Variants in SGCD observed in about 807,000 individuals in gnomAD.
SGCD encodes the protein delta-sarcoglycan.
Under a neutral mutation model 36.6 loss-of-function variants are expected in SGCD, and 18 were observed. That is an observed-to-expected ratio of 0.49 (90% CI 0.34 to 0.73). The LOEUF is 0.73. SGCD is among the 30% of genes least tolerant of loss of function. The pLI, the probability that SGCD is intolerant of heterozygous loss-of-function variation, is 0.01. For missense variants in SGCD, 387 were observed against 346.7 expected (o/e 1.12, Z -0.92); for synonymous variants, 133 against 130.6 (o/e 1.02, Z -0.12).
chr5:156,527,842 G>T (rs1456128095), intron 4 of SGCD, among the ~76,000 whole-genome samples: 1 of 152,058 alleles, frequency 6.6e-6, no homozygotes, highest in African/African-American at 2.4e-5. Context: ...GCCCTTGCTG[G>T]GATTCCACAG....
At chr5:156,563,623 TC>T (rs1485989224) in intron 4 of SGCD, among the ~76,000 whole-genome samples, 2 of 152,250 alleles carry the variant, frequency 1.3e-5, no homozygotes, top group Non-Finnish European at 2.9e-5. Context: ...ATACTTAGTC[TC>T]TTTCCTACCT....
chr5:155,876,526 T>C (rs951819951), intron 1 of SGCD, among the ~76,000 whole-genome samples: 2 of 152,074 alleles, frequency 1.3e-5, no homozygotes, highest in Non-Finnish European at 2.9e-5. Context: ...TGGAATTTAA[T>C]GTGAAAAATA....
chr5:156,406,034 AGG>A (rs1554100483), intron 3 of SGCD, among the ~76,000 whole-genome samples: 178 of 150,668 alleles, frequency 1.2e-3, no homozygotes, highest in South Asian at 2.1e-3. Context: ...AAAAAAAAAA[AGG>A]CCTCTGGGCA....
At chr5:155,832,172 AAG>A in the SGCD span, among the ~76,000 whole-genome samples, 1 of 152,200 alleles carries the variant, frequency 6.6e-6, no homozygotes, top group Non-Finnish European at 1.5e-5. Context: ...CCGCAAATGA[AAG>A]AGAGATTAGT....
At chr5:155,797,695 A>G in the SGCD span, among the ~76,000 whole-genome samples, 87 of 152,334 alleles carry the variant, frequency 5.7e-4, no homozygotes, top group East Asian at 0.016. Context: ...AAAATCCCCA[A>G]GCTCTCAGAG....
At chr5:156,749,707 A>G (rs945651484) in intron 7 of SGCD, among the ~76,000 whole-genome samples, 2 of 151,376 alleles carry the variant, frequency 1.3e-5, no homozygotes, top group Non-Finnish European at 2.9e-5. Context: ...TATGAAATGG[A>G]AAAAAAAAGC....
chr5:155,840,414 T>TTTTC, the SGCD span, among the ~76,000 whole-genome samples: 1 of 150,078 alleles, frequency 6.7e-6, no homozygotes, highest in Non-Finnish European at 1.5e-5. Context: ...CAGCTAAATT[T>TTTTC]TTTTTTTTTT....
chr5:155,976,635 GTGT>G, intron 1 of SGCD, among the ~76,000 whole-genome samples: 1 of 152,270 alleles, frequency 6.6e-6, no homozygotes, highest in Admixed American at 6.5e-5. Flanking sequence ...GGGAGAGCGT[GTGT>G]TGTTTGGAAT....
At chr5:156,746,541 G>GATAA (rs1756944816) in intron 7 of SGCD, among the ~76,000 whole-genome samples, 1 of 152,196 alleles carries the variant, frequency 6.6e-6, no homozygotes, top group Non-Finnish European at 1.5e-5. Flanking sequence ...CCTGAGGCCA[G>GATAA]ATAAATACAC....
chr5:156,093,135 C>T, intron 1 of SGCD, among the ~76,000 whole-genome samples: 1 of 152,228 alleles, frequency 6.6e-6, no homozygotes, highest in East Asian at 1.9e-4. Context: ...TTCAGCTTTT[C>T]TCTGGCCCTC....
At chr5:156,308,878 G>C (rs1015797285) in intron 3 of SGCD, among the ~76,000 whole-genome samples, 11 of 152,104 alleles carry the variant, frequency 7.2e-5, no homozygotes, top group Non-Finnish European at 1.2e-4. Flanking sequence ...TCTTTATCTG[G>C]GGAAATTTTA....
At chr5:156,375,679 C>T (rs1291283763) in intron 3 of SGCD, among the ~76,000 whole-genome samples, 1 of 152,176 alleles carries the variant, frequency 6.6e-6, no homozygotes, top group African/African-American at 2.4e-5. Flanking sequence ...TCACTGCATT[C>T]ACTCCTTGAA....
At chr5:155,922,735 T>C (rs1331203836) in intron 1 of SGCD, among the ~76,000 whole-genome samples, 1 of 152,126 alleles carries the variant, frequency 6.6e-6, no homozygotes, top group Non-Finnish European at 1.5e-5. Context: ...CCCCCACTAG[T>C]GCATGTATTT....
chr5:156,694,322 T>G (rs1315215114), intron 7 of SGCD, among the ~76,000 whole-genome samples: 2 of 152,206 alleles, frequency 1.3e-5, no homozygotes. Context: ...CTGCCTTCTC[T>G]TTGCCTTGGT....
intron 6 of SGCD, among the ~76,000 whole-genome samples, chr5:156,612,080 T>G (rs954378961): frequency 2.6e-5 from 4 of 152,198 alleles, no homozygotes; most frequent in African/African-American, 9.6e-5. Context: ...ATTTTATTTT[T>G]GGGAGGGGGT....
intron 1 of SGCD, among the ~76,000 whole-genome samples, chr5:155,920,810 T>C (rs1370517857): frequency 6.6e-6 from 1 of 152,110 alleles, no homozygotes; most frequent in Non-Finnish European, 1.5e-5. Flanking sequence ...CAGCATCTTA[T>C]GTTCCAAGCA....
intron 6 of SGCD, among the ~76,000 whole-genome samples, chr5:156,642,796 A>C (rs1763085522): frequency 6.6e-6 from 1 of 151,918 alleles, no homozygotes; most frequent in Non-Finnish European, 1.5e-5. Flanking sequence ...GAATTTCCCA[A>C]CTGTGAAGCG....
At chr5:156,269,079 G>A (rs1581207549) in intron 3 of SGCD, among the ~76,000 whole-genome samples, 1 of 152,112 alleles carries the variant, frequency 6.6e-6, no homozygotes, top group Non-Finnish European at 1.5e-5. Context: ...GGCTGGGGAG[G>A]CCTCAGCATC....
intron 3 of SGCD, among the ~76,000 whole-genome samples, chr5:156,346,714 A>G (rs1768963144): frequency 6.6e-6 from 1 of 152,164 alleles, no homozygotes; most frequent in Admixed American, 6.5e-5. Flanking sequence ...GTTCTAGAGT[A>G]TTAGAGCACA....
Sources: gnomAD v4.1 joint callset for allele counts (sites outside exome capture counted in the v4.1 genomes callset) on GRCh38, gnomAD v4.1.1 for gene constraint, MANE v1.5 for transcripts, NCBI Gene and HGNC (gene_info 2026-07-23, HGNC 2026-07-21) for gene names.